Variants in CTNNA3 observed in about 807,000 individuals in gnomAD.
CTNNA3 encodes the protein catenin alpha-3.
Under a neutral mutation model 95.7 loss-of-function variants are expected in CTNNA3, and 76 were observed. That is an observed-to-expected ratio of 0.79 (90% confidence interval 0.66 to 0.96). The LOEUF (loss-of-function observed/expected upper bound fraction) is 0.96. CTNNA3 is among the 40% of genes least tolerant of loss of function. The probability of loss-of-function intolerance (pLI) is 0.00; values close to 1 mark genes in which losing one functional copy is unlikely to be tolerated. For missense variants in CTNNA3, 1,191 were observed against 1,089.8 expected, an observed-to-expected ratio of 1.09 and a Z score of -1.31; for synonymous variants, 431 against 374.4, an observed-to-expected ratio of 1.15 and a Z score of -1.74.
chr10:66,145,480 T>G (rs2083836604), intron 13 of CTNNA3, among the ~76,000 whole-genome samples: 1 of 152,172 alleles, frequency 6.6e-6, no homozygotes, highest in South Asian at 2.1e-4. Context: ...AAAGAGTTCC[T>G]GACACCCAAA....
intron 1 of CTNNA3, among the ~76,000 whole-genome samples, chr10:67,745,686 C>T (rs537470715): frequency 6.6e-6 from 1 of 151,692 alleles, no homozygotes; most frequent in East Asian, 1.9e-4. Flanking sequence ...AAAAAGACTC[C>T]ATGAAAAAAA....
At chr10:67,465,510 A>G (rs1847557368) in intron 5 of CTNNA3, among the ~76,000 whole-genome samples, 1 of 152,162 alleles carries the variant, frequency 6.6e-6, no homozygotes, top group African/African-American at 2.4e-5. Flanking sequence ...AAAGGAAAAA[A>G]TCCAAAACAA....
chr10:67,022,465 T>C (rs1462012000), intron 7 of CTNNA3, among the ~76,000 whole-genome samples: 2 of 152,026 alleles, frequency 1.3e-5, no homozygotes, highest in Non-Finnish European at 2.9e-5. Context: ...CCTAGAAAAG[T>C]AGTTTTCACA....
intron 17 of CTNNA3, among the ~76,000 whole-genome samples, chr10:65,932,909 C>A (rs2077277236): frequency 6.6e-6 from 1 of 152,128 alleles, no homozygotes; most frequent in South Asian, 2.1e-4. Flanking sequence ...GCTCATTCTA[C>A]TGCACCTTAA....
intron 15 of CTNNA3, among the ~76,000 whole-genome samples, chr10:66,028,992 A>T (rs964728130): frequency 2.0e-4 from 30 of 152,270 alleles, no homozygotes; most frequent in Admixed American, 1.6e-3. Flanking sequence ...GAAGAATAGG[A>T]GGTGAAACTT....
chr10:66,205,344 A>G (rs905937632), intron 13 of CTNNA3, among the ~76,000 whole-genome samples: 4 of 152,034 alleles, frequency 2.6e-5, no homozygotes, highest in Non-Finnish European at 5.9e-5. Context: ...GAGGGCCACT[A>G]AAGTCACAGT....
At chr10:65,927,434 C>T (rs1207002823) in intron 17 of CTNNA3, among the ~76,000 whole-genome samples, 1 of 152,148 alleles carries the variant, frequency 6.6e-6, no homozygotes, top group East Asian at 1.9e-4. Flanking sequence ...AACTGGTTTC[C>T]TTAAGCCTAT....
intron 13 of CTNNA3, among the ~76,000 whole-genome samples, chr10:66,207,790 CTTG>C (rs2087857085): frequency 6.6e-6 from 1 of 151,928 alleles, no homozygotes. Flanking sequence ...ATTATGTGGT[CTTG>C]TTGTTCTATT....
chr10:65,941,909 C>A (rs760498856), intron 17 of CTNNA3, among the ~76,000 whole-genome samples: 19 of 152,124 alleles, frequency 1.2e-4, no homozygotes, highest in Admixed American at 2.0e-4. Flanking sequence ...TTGTGTATGT[C>A]TTATTTCTAG....
chr10:66,709,123 C>T (rs978233600), intron 9 of CTNNA3, among the ~76,000 whole-genome samples: 3 of 152,034 alleles, frequency 2.0e-5, no homozygotes, highest in African/African-American at 7.2e-5. Flanking sequence ...AGCAGCAGAA[C>T]CTTATACACA....
chr10:66,314,847 C>T (rs1306743611), intron 12 of CTNNA3, among the ~76,000 whole-genome samples: 1 of 151,982 alleles, frequency 6.6e-6, no homozygotes, highest in Non-Finnish European at 1.5e-5. Context: ...CAGTAAAAAT[C>T]CAGTTTTAAA....
chr10:66,616,711 T>C (rs969781856), intron 10 of CTNNA3, among the ~76,000 whole-genome samples: 5 of 151,994 alleles, frequency 3.3e-5, no homozygotes, highest in African/African-American at 4.8e-5. Context: ...ACTTAACAAA[T>C]AGAAACTCAG....
chr10:66,626,645 C>T (rs1267874363), intron 9 of CTNNA3, among the ~76,000 whole-genome samples: 1 of 151,998 alleles, frequency 6.6e-6, no homozygotes, highest in Non-Finnish European at 1.5e-5. Context: ...TTCTAGAATA[C>T]AGAATGGCAA....
chr10:66,182,905 G>C (rs2086130323), intron 13 of CTNNA3, among the ~76,000 whole-genome samples: 1 of 152,080 alleles, frequency 6.6e-6, no homozygotes, highest in South Asian at 2.1e-4. Flanking sequence ...GAAGGTGAAC[G>C]TAACATTAAA....
intron 7 of CTNNA3, among the ~76,000 whole-genome samples, chr10:66,912,336 T>C (rs1436579602): frequency 6.6e-6 from 1 of 152,090 alleles, no homozygotes; most frequent in Non-Finnish European, 1.5e-5. Flanking sequence ...GCATAAATGA[T>C]AATAATTAAA....
chr10:67,667,908 A>G (rs1840360382), intron 1 of CTNNA3, among the ~76,000 whole-genome samples: 1 of 152,200 alleles, frequency 6.6e-6, no homozygotes, highest in Admixed American at 6.5e-5. Flanking sequence ...TTATAGGATA[A>G]CCCACTATTC....
chr10:66,253,562 C>A (rs557888700), intron 13 of CTNNA3, among the ~76,000 whole-genome samples: 20 of 152,314 alleles, frequency 1.3e-4, no homozygotes, highest in Admixed American at 1.3e-3. Context: ...GAAGAGTTCA[C>A]TGCTGTATCT....
chr10:66,176,716 A>G (rs373551307), intron 13 of CTNNA3, among the ~76,000 whole-genome samples: 5 of 152,212 alleles, frequency 3.3e-5, no homozygotes, highest in African/African-American at 9.6e-5. Flanking sequence ...AGGAAGTGTC[A>G]TCTATGAACC....
intron 11 of CTNNA3, among the ~76,000 whole-genome samples, chr10:66,441,726 T>G (rs1021894857): frequency 1.3e-5 from 2 of 152,216 alleles, no homozygotes; most frequent in Admixed American, 6.5e-5. Context: ...ATAAAAACAC[T>G]GTGTGCAAAT....
Sources: gnomAD v4.1 joint callset for allele counts (sites outside exome capture counted in the v4.1 genomes callset) on GRCh38, gnomAD v4.1.1 for gene constraint, MANE v1.5 for transcripts, NCBI Gene and HGNC (gene_info 2026-07-23, HGNC 2026-07-21) for gene names.